TMED7: variants seen among roughly 807,000 people sequenced by gnomAD.
The protein encoded by TMED7 is transmembrane p24 trafficking protein 7.
In TMED7, 8 loss-of-function variants were observed where a neutral mutation model predicts 23.4. The ratio of observed to expected loss-of-function variants is 0.34; its 90% CI spans 0.20 to 0.62. The LOEUF (loss-of-function observed/expected upper bound fraction) is 0.62, where lower values mean the gene tolerates loss of function less well. Ranked by LOEUF, TMED7 falls within the 20% of genes least tolerant of loss-of-function variation. TMED7 has a pLI of 0.77. For missense variants in TMED7, 232 were observed against 279.1 expected (o/e 0.83, Z 1.20); for synonymous variants, 121 against 108.5 (o/e 1.12, Z -0.72).
rs1429647054 is a variant in TMED7, at chr5:115,613,263, C to A, written c.*2946G>T. Reference sequence around the variant, plus strand: ...AAAAATTAAGACCTCTTTAGAGCAACTGATGATTTAACTGCTTTTCACCTA... The same window carrying A: ...AAAAATTAAGACCTCTTTAGAGCAAATGATGATTTAACTGCTTTTCACCTA... On this transcript the variant is annotated 3_prime_UTR_variant, in exon 3 of 3. Transcript: ENST00000456936. Among the ~76,000 whole-genome samples, 1 of 152,144 alleles carries A rather than the reference C, an allele frequency of 6.6e-6. No homozygotes were observed. The highest frequency in any genetic ancestry group is 2.4e-5 in the African/African-American group (1 of 41,432).
intron 2 of TMED7, among the ~76,000 whole-genome samples, chr5:115,617,437 G>A (rs1321235638): frequency 6.6e-6 from 1 of 152,178 alleles, no homozygotes; most frequent in Non-Finnish European, 1.5e-5. Flanking sequence ...TTTAAAAAAT[G>A]TAAGAAATTA....
Position 115,625,740 on chromosome 5 carries a change from C to A in TMED7, c.53G>T (p.Gly18Val). ...QRWAAVAGRW[G>V]CRLLALLLLV... is the part of the protein sequence containing the mutation. ...TAGCAGCAGTGCGAGCAGCCTGCACCCCCAACGGCCCGCGACGGCCGCCCA... is the reference window on the plus strand; with the variant it reads ...TAGCAGCAGTGCGAGCAGCCTGCACACCCAACGGCCCGCGACGGCCGCCCA... Residue 18 changes from glycine (G) to valine (V), a missense_variant, in exon 1 of 3, where the codon GGG becomes GTG. By Grantham distance (109) the Gly-to-Val change is moderately radical (BLOSUM62 -3). Around this residue, in one of 2 missense-constraint regions of TMED7, gnomAD observed 106 missense variants for 97.0 expected, o/e 1.09. Coordinates refer to ENST00000456936, the MANE Select transcript of TMED7 (RefSeq NM_181836.6). The A allele has an allele frequency of 6.4e-7, 1 of 1,562,850 alleles. No individual in the cohort carries two copies. Among genetic ancestry groups the A allele is most frequent in the Non-Finnish European group, 8.6e-7 (1 of 1,157,232 alleles).
At chr5:115,618,592 G>GT (rs777329828) in intron 2 of TMED7, among the ~76,000 whole-genome samples, 11 of 152,078 alleles carry the variant, frequency 7.2e-5, no homozygotes, top group Non-Finnish European at 1.5e-4. Context: ...TTTATCCTCT[G>GT]TATTTCTTGT....
rs1757203132 is a variant in TMED7, at chr5:115,625,953, G to A, written c.-161C>T. 1.9e-6 allele frequency: 2 copies of A among 1,066,934 alleles called. No homozygotes were observed. Among genetic ancestry groups the A allele is most frequent in the South Asian group, 3.5e-5 (1 of 28,706 alleles). The allele number at this position is 1,066,934 out of a possible 1,614,324, so 66.1% of individuals were successfully genotyped here. A position where few individuals can be genotyped will look rare whatever the true frequency, so the allele number is the denominator to read the frequency against. On this transcript the variant is annotated 5_prime_UTR_variant, in exon 1 of 3. Coordinates refer to ENST00000456936, the MANE Select transcript of TMED7 (RefSeq NM_181836.6). ...GATTCGGGATCAGAGCGACCCTCCG[G>A]CTTCCTGTGAGGGGCGCAGACGGGC...
chr5:115,622,938 G>GATCAC (rs1370636732), intron 1 of TMED7, among the ~76,000 whole-genome samples: 95 of 152,222 alleles, frequency 6.2e-4, no homozygotes, highest in African/African-American at 1.9e-3. Flanking sequence ...GGATCAAAAT[G>GATCAC]ACAGTGTTTG....
At chr5:115,619,619 G>T (rs984284120) in intron 2 of TMED7, among the ~76,000 whole-genome samples, 3 of 152,058 alleles carry the variant, frequency 2.0e-5, no homozygotes, top group Admixed American at 2.0e-4. Flanking sequence ...TGGAACCCAG[G>T]TCTAGACATG....
rs1172720695 is a variant in TMED7, at chr5:115,616,495, C to T, written c.439-50G>A. ...TATGTGTGATACTTTCTGTAGACTT[C>T]ATCTATCATATTCAGCTTTTCTTTC... is the stretch of plus-strand genomic sequence containing the variant. On this transcript the variant is annotated intron_variant, in intron 2 of 2. Transcript: ENST00000456936. The T allele has an allele frequency of 1.9e-6, 3 of 1,609,826 alleles. 1 individual carries two copies. The highest frequency in any genetic ancestry group is 1.7e-4 in the Middle Eastern group (1 of 6,028).
Position 115,616,141 on chromosome 5 carries a change from A to G in TMED7, c.*68T>C, listed in dbSNP as rs1756729655. 1.4e-6 allele frequency: 2 copies of G among 1,452,160 alleles called. No individual in the cohort carries two copies. Among genetic ancestry groups the G allele is most frequent in the Non-Finnish European group, 1.9e-6 (2 of 1,040,280 alleles). The allele number at this position is 1,452,160 out of a possible 1,614,324, so 90.0% of individuals were successfully genotyped here. A position where few individuals can be genotyped will look rare whatever the true frequency, so the allele number is the denominator to read the frequency against. ...AAATGTTGCCAATATTAAGTTCTTC[A>G]GTACCTAAAATTAATTAGAGGACAG... On this transcript the variant is annotated 3_prime_UTR_variant, in exon 3 of 3. Coordinates refer to ENST00000456936, the MANE Select transcript of TMED7 (RefSeq NM_181836.6).
chr5:115,621,913 CT>C (rs1757043804), intron 1 of TMED7, among the ~76,000 whole-genome samples: 1 of 151,682 alleles, frequency 6.6e-6, no homozygotes, highest in Admixed American at 6.5e-5. Context: ...TCTGTGTGAC[CT>C]TTTCTCACTT....
chr5:115,624,317 C>G (rs191153993), intron 1 of TMED7, among the ~76,000 whole-genome samples: 292 of 152,256 alleles, frequency 1.9e-3, no homozygotes, highest in African/African-American at 6.3e-3. Flanking sequence ...CAAATCATTA[C>G]CAAGTCCTGT....
intron 1 of TMED7, among the ~76,000 whole-genome samples, chr5:115,622,632 G>A (rs759826418): frequency 2.8e-4 from 42 of 151,948 alleles, no homozygotes; most frequent in Non-Finnish European, 5.4e-4. Flanking sequence ...AAATGATGCC[G>A]AATGTCTCCT....
Position 115,614,963 on chromosome 5 carries a change from A to G in TMED7, c.*1246T>C, listed in dbSNP as rs1756643461. 6.6e-6 allele frequency: 1 copy of G among 152,046 alleles called. No homozygotes were observed. The highest frequency in any genetic ancestry group is 1.5e-5 in the Non-Finnish European group (1 of 67,954). 9.4% of individuals were successfully genotyped at this position (152,046 alleles called of 1,614,324 possible). A position where few individuals can be genotyped will look rare whatever the true frequency, so the allele number is the denominator to read the frequency against. ...AACAGCAGAAAAGCTTTAAATATCT[A>G]TATAATTTTGAATCATCTTGTATTC... On this transcript the variant is annotated 3_prime_UTR_variant, in exon 3 of 3. Transcript: ENST00000456936.
At chr5:115,621,348 A>T (rs984670941) in intron 1 of TMED7, among the ~76,000 whole-genome samples, 3 of 152,226 alleles carry the variant, frequency 2.0e-5, no homozygotes, top group Non-Finnish European at 2.9e-5. Flanking sequence ...TGAGTAACGG[A>T]GTGGGCTATT....
Position 115,616,216 on chromosome 5 carries a change from C to T in TMED7, c.668G>A (p.Gly223Glu). ...SDKRTTTTRV[G>E]S ...TCAATTCTCAAAACGTAGTTATGAT[C>T]CAACACGAGTTGTGGTGGTTCTTTT... is the stretch of plus-strand genomic sequence containing the variant. The change falls in exon 3 of 3, where the codon GGA becomes GAA. Residue 223 changes from glycine (G) to glutamate (E), a missense_variant. This residue lies in a region of TMED7 where 126 missense variants were observed against 182.1 expected (regional missense o/e 0.69). Transcript: ENST00000456936. 1 of 1,614,000 alleles carries T rather than the reference C, an allele frequency of 6.2e-7. No individual in the cohort carries two copies. Among genetic ancestry groups the T allele is most frequent in the Non-Finnish European group, 8.5e-7 (1 of 1,179,916 alleles).
rs556165301 is a variant in TMED7 at position 115,623,176 on chromosome 5, G to A, written c.192+2425C>T. Among the ~76,000 whole-genome samples, 5 of 152,348 alleles carry A rather than the reference G, an allele frequency of 3.3e-5. No homozygotes were observed. The South Asian group carries it at 6.2e-4, about 19-fold the overall frequency. On this transcript the variant is annotated intron_variant, in intron 1 of 2. Transcript: ENST00000456936. ...ACAGCAAGAGATCTGAAAAGGTCAG[G>A]TGTGGGCTCCTTCGGCTTCCCTTTG... is the stretch of plus-strand genomic sequence containing the variant.
chr5:115,622,927 C>T (rs374475653), intron 1 of TMED7, among the ~76,000 whole-genome samples: 12 of 152,170 alleles, frequency 7.9e-5, no homozygotes, highest in East Asian at 1.9e-4. Flanking sequence ...AAGAATCACA[C>T]GGATCAAAAT....
Position 115,625,968 on chromosome 5 carries a change from C to A in TMED7, c.-176G>T, listed in dbSNP as rs888614507. 9.4e-6 allele frequency: 8 copies of A among 847,338 alleles called. No homozygotes were observed. Among genetic ancestry groups the A allele is most frequent in the East Asian group, 6.9e-5 (2 of 28,978 alleles). 52.5% of individuals were successfully genotyped at this position (847,338 alleles called of 1,614,324 possible). A position where few individuals can be genotyped will look rare whatever the true frequency, so the allele number is the denominator to read the frequency against. On this transcript the variant is annotated 5_prime_UTR_variant, in exon 1 of 3. Transcript: ENST00000456936. ...CGACCCTCCGGCTTCCTGTGAGGGG[C>A]GCAGACGGGCGGACCTGGGGAGGTA...
rs777192552 is a variant in TMED7, at chr5:115,616,280, T to C, written c.604A>G (p.Ile202Val). ...GEALILLVVS[I>V]GQVFLLKSFF... ...CTTTTCAAAAGAAATACCTGCCCTA[T>C]GCTAACCACCAGAAGAATGAGGGCT... Residue 202 changes from isoleucine (I) to valine (V), a missense_variant, in exon 3 of 3, where the codon ATA becomes GTA. Ile to Val is a conservative substitution (Grantham distance 29). This residue lies in a region of TMED7 where 126 missense variants were observed against 182.1 expected (regional missense o/e 0.69). Transcript: ENST00000456936. 12 of 1,614,054 alleles carry C rather than the reference T, an allele frequency of 7.4e-6. No individual in the cohort carries two copies. Among genetic ancestry groups the C allele is most frequent in the Admixed American group, 6.7e-5 (4 of 59,996 alleles).
In TMED7 at chr5:115,618,055, G is replaced by A. The variant is rs1030409201; in HGVS notation, c.439-1610C>T. Among the ~76,000 whole-genome samples the A allele has an allele frequency of 2.2e-4, 33 of 152,194 alleles. 1 individual carries two copies. On this transcript the variant is annotated intron_variant, in intron 2 of 2. Coordinates refer to ENST00000456936, the MANE Select transcript of TMED7 (RefSeq NM_181836.6). ...GATCCGCCCGCCTCGGCCTCCCAAA[G>A]TGCTGGGATTACAGGCGTAAGCCAC...
Sources: gnomAD v4.1 joint callset for allele counts (sites outside exome capture counted in the v4.1 genomes callset) on GRCh38, gnomAD v4.1.1 for gene constraint, gnomAD v4.1.1 regional missense constraint, MANE v1.5 for transcripts, NCBI Gene and HGNC (gene_info 2026-07-23, HGNC 2026-07-21) for gene names.